CASD1: variants seen among roughly 807,000 people sequenced by gnomAD.
CASD1 encodes CAS1 domain sialic acid O acetyltransferase 1.
A neutral mutation model predicts 100.0 loss-of-function variants in CASD1; 41 were observed. That is an observed-to-expected ratio of 0.41 (90% CI 0.32 to 0.53). The LOEUF (loss-of-function observed/expected upper bound fraction) is 0.53. CASD1 is among the 20% of genes least tolerant of loss of function. The probability of loss-of-function intolerance (pLI) is 0.25; values close to 1 mark genes in which losing one functional copy is unlikely to be tolerated. For missense variants in CASD1, 774 were observed against 948.7 expected (o/e 0.82, Z 2.42); for synonymous variants, 321 against 315.6 (o/e 1.02, Z -0.18).
chr7:94,513,186 C>T (rs907251912), intron 1 of CASD1, among the ~76,000 whole-genome samples: 9 of 149,056 alleles, frequency 6.0e-5, no homozygotes, highest in African/African-American at 2.2e-4. Flanking sequence ...ATTAGCTGGG[C>T]GTGGTGGCGG....
At position 94,545,596 on chromosome 7, in the gene CASD1, C is replaced by G; in HGVS notation, c.1528C>G (p.Arg510Gly). The G allele has an allele frequency of 3.1e-6, 5 of 1,608,198 alleles. No individual in the cohort carries two copies. The highest frequency in any genetic ancestry group is 4.3e-6 in the Non-Finnish European group (5 of 1,175,240). Residue 510 changes from arginine to glycine, a missense_variant, in exon 12 of 18, where the codon CGA (arginine) becomes GGA (glycine). Coordinates refer to ENST00000297273, the MANE Select transcript of CASD1 (RefSeq NM_022900.5). ...AGTGGTGTTATGTATAGTAATGGAT[C>G]GACCTTATCAATTCTATTACTTTGT... ...LVVVLCIVMDRPYQFYYFVPL... is the reference protein window; with the variant it reads ...LVVVLCIVMDGPYQFYYFVPL...
At chr7:94,617,398 C>T in the CASD1 span, 1 of 152,188 alleles carries the variant, frequency 6.6e-6, no homozygotes, top group Non-Finnish European at 1.5e-5. Context: ...TGTTTTTGTG[C>T]TGTTTCCTCC....
chr7:94,533,970 T>G (rs1056132157), intron 7 of CASD1, among the ~76,000 whole-genome samples, 168 bp downstream of exon 7: 1 of 152,054 alleles, frequency 6.6e-6, no homozygotes, highest in Non-Finnish European at 1.5e-5. Flanking sequence ...TTTTCAAATG[T>G]AAGGAACAAA....
the CASD1 span, among the ~76,000 whole-genome samples, chr7:94,614,683 G>A: frequency 6.6e-5 from 10 of 152,116 alleles, no homozygotes; most frequent in African/African-American, 9.7e-5. Context: ...GTGTAGAAAT[G>A]TAGTGAGAGA....
intron 10 of CASD1, among the ~76,000 whole-genome samples, chr7:94,540,601 G>A (rs542432010): frequency 6.6e-6 from 1 of 152,278 alleles, no homozygotes; most frequent in East Asian, 1.9e-4. Flanking sequence ...TGCTGCAGCT[G>A]ACGGGAAGCT....
At chr7:94,569,643 T>A in the CASD1 span, among the ~76,000 whole-genome samples, 2 of 151,814 alleles carry the variant, frequency 1.3e-5, 1 homozygote, top group Admixed American at 1.3e-4. Flanking sequence ...GGAGTCTATC[T>A]ATGTTGTCCA....
chr7:94,588,914 A>C, the CASD1 span: 1 of 636,490 alleles, frequency 1.6e-6, no homozygotes, highest in African/African-American at 1.8e-5. Flanking sequence ...GAGAATAAAA[A>C]TTAACAATAT....
chr7:94,553,367 TA>T (rs1348344547), intron 16 of CASD1, among the ~76,000 whole-genome samples: 1 of 152,188 alleles, frequency 6.6e-6, no homozygotes, highest in Admixed American at 6.6e-5. Context: ...AGACTAGATT[TA>T]AACTTGAGTC....
chr7:94,518,137 T>G, intron 2 of CASD1, 66 bp from the exon 3 acceptor site: 1 of 1,386,564 alleles, frequency 7.2e-7, no homozygotes, highest in South Asian at 1.6e-5. Context: ...TCAAAAACGG[T>G]GTGCTTTGAA....
At chr7:94,611,106 A>C in the CASD1 span, among the ~76,000 whole-genome samples, 1 of 152,228 alleles carries the variant, frequency 6.6e-6, no homozygotes. Flanking sequence ...AAAATGTTAA[A>C]TACAGAGTTA....
At chr7:94,547,000 G>T in intron 12 of CASD1, 96 bp from the exon 13 acceptor site, 1 of 667,866 alleles carries the variant, frequency 1.5e-6, no homozygotes, top group Non-Finnish European at 2.4e-6. Context: ...ATTATTTTAA[G>T]AACTATTCAG....
the CASD1 span, among the ~76,000 whole-genome samples, chr7:94,595,078 G>T: frequency 6.6e-6 from 1 of 152,054 alleles, no homozygotes; most frequent in Non-Finnish European, 1.5e-5. Context: ...TCTCAGTTCT[G>T]ACCTAATTTA....
the CASD1 span, among the ~76,000 whole-genome samples, chr7:94,622,990 C>T: frequency 1.3e-5 from 2 of 152,052 alleles, no homozygotes; most frequent in African/African-American, 4.8e-5. Flanking sequence ...ATCAGCTAGG[C>T]TGGAGTGCAG....
At chr7:94,580,676 C>T in the CASD1 span, among the ~76,000 whole-genome samples, 1 of 152,206 alleles carries the variant, frequency 6.6e-6, no homozygotes, top group Non-Finnish European at 1.5e-5. Context: ...TCTTGAGTCA[C>T]TTGTCACCTG....
chr7:94,550,791 C>A (rs534894819), intron 14 of CASD1, among the ~76,000 whole-genome samples: 5 of 151,994 alleles, frequency 3.3e-5, no homozygotes, highest in Non-Finnish European at 7.4e-5. Context: ...ATTCAACTTA[C>A]GATTTTGAGT....
At chr7:94,602,659 TATA>T in the CASD1 span, among the ~76,000 whole-genome samples, 4 of 146,072 alleles carry the variant, frequency 2.7e-5, no homozygotes, top group East Asian at 1.9e-4. Context: ...TATACAGACA[TATA>T]ATATAAAATA....
At chr7:94,625,193 CTGAA>C in the CASD1 span, 5 of 151,712 alleles carry the variant, frequency 3.3e-5, no homozygotes, top group African/African-American at 7.3e-5. Context: ...TAAAAATCTA[CTGAA>C]TGAATTAGTA....
chr7:94,544,398 T>C lies in CASD1; in HGVS notation c.1357-13T>C, dbSNP rs1795571396. ...TGCCAACATATGTTTTACCTGTTTA[T>C]CTTTGTCAACAGTTTTTGCCTGTAT... On this transcript the variant is annotated splice_polypyrimidine_tract_variant and intron_variant, in intron 10 of 17. Coordinates refer to ENST00000297273, the MANE Select transcript of CASD1 (RefSeq NM_022900.5). 1 of 1,612,606 alleles carries C rather than the reference T, an allele frequency of 6.2e-7. No individual in the cohort carries two copies. Among genetic ancestry groups the C allele is most frequent in the East Asian group, 2.2e-5 (1 of 44,732 alleles).
At chr7:94,518,725 T>A (rs1387674961) in intron 3 of CASD1, among the ~76,000 whole-genome samples, 1 of 152,086 alleles carries the variant, frequency 6.6e-6, no homozygotes, top group Non-Finnish European at 1.5e-5. Context: ...CAATTTTATA[T>A]CTTGCTTTTT....
Sources: gnomAD v4.1 joint callset for allele counts (sites outside exome capture counted in the v4.1 genomes callset) on GRCh38, gnomAD v4.1.1 for gene constraint, MANE v1.5 for transcripts, NCBI Gene and HGNC (gene_info 2026-07-23, HGNC 2026-07-21) for gene names.